TFRC: variants seen among roughly 807,000 people sequenced by gnomAD.
TFRC encodes transferrin receptor protein 1.
A neutral mutation model predicts 85.8 loss-of-function variants in TFRC; 35 were observed. That is an observed-to-expected ratio of 0.41 (90% CI 0.31 to 0.54). The LOEUF (loss-of-function observed/expected upper bound fraction) is 0.54, where lower values mean the gene tolerates loss of function less well. TFRC is among the 20% of genes least tolerant of loss of function. TFRC has a pLI of 0.31. For missense variants in TFRC, 828 were observed against 921.5 expected (o/e 0.90, Z 1.31); for synonymous variants, 362 against 328.6 (o/e 1.10, Z -1.10).
chr3:196,076,594 C>T (rs1354949359), intron 2 of TFRC, among the ~76,000 whole-genome samples: 1 of 152,034 alleles, frequency 6.6e-6, no homozygotes, highest in Non-Finnish European at 1.5e-5. Flanking sequence ...GGACTACAGG[C>T]ATGCGCCATG....
At chr3:196,056,879 T>C (rs557995688) in intron 16 of TFRC, among the ~76,000 whole-genome samples, 2 of 151,534 alleles carry the variant, frequency 1.3e-5, no homozygotes, top group Admixed American at 1.3e-4. Flanking sequence ...TGCAGTGCAG[T>C]GGCTCCATCT....
At chr3:196,081,038 G>A (rs751604817) in intron 1 of TFRC, among the ~76,000 whole-genome samples, 5 of 152,162 alleles carry the variant, frequency 3.3e-5, no homozygotes, top group African/African-American at 4.8e-5. Flanking sequence ...AGTAAGCAGA[G>A]GGAAAGCGTT....
In TFRC at chr3:196,055,178, G is replaced by C. The variant is rs1242438404; in HGVS notation, c.1801C>G (p.Leu601Val). ...AEVAGQFVIK[L>V]THDVELNLDY... ...AGGTTCAATTCAACATCATGGGTTA[G>C]TTTAATCACGAACTGACCAGCGACC... Residue 601 changes from leucine (L) to valine (V), a missense_variant, in exon 17 of 19, where the codon CTA becomes GTA. Leu to Val is a conservative substitution (Grantham distance 32). Transcript: ENST00000360110. 1 of 1,614,228 alleles carries C rather than the reference G, an allele frequency of 6.2e-7. No individual in the cohort carries two copies. Among genetic ancestry groups the C allele is most frequent in the East Asian group, 2.2e-5 (1 of 44,890 alleles).
At chr3:196,079,565 G>A (rs933159675) in intron 1 of TFRC, among the ~76,000 whole-genome samples, 1 of 151,580 alleles carries the variant, frequency 6.6e-6, no homozygotes, top group Admixed American at 6.6e-5. Flanking sequence ...GCAGGGAGCC[G>A]AGATCACACC....
chr3:196,080,184 A>C (rs1274437115), intron 1 of TFRC, among the ~76,000 whole-genome samples: 2 of 151,828 alleles, frequency 1.3e-5, no homozygotes, highest in Non-Finnish European at 2.9e-5. Flanking sequence ...GCTCACTACA[A>C]CCTCTGCCTC....
chr3:196,079,835 T>G (rs1435751300), intron 1 of TFRC, among the ~76,000 whole-genome samples: 1 of 152,190 alleles, frequency 6.6e-6, no homozygotes, highest in Non-Finnish European at 1.5e-5. Flanking sequence ...CCCCTGTTTT[T>G]ACCCACCAAC....
At chr3:196,065,172 G>A (rs1331720939) in intron 10 of TFRC, among the ~76,000 whole-genome samples, 1 of 151,670 alleles carries the variant, frequency 6.6e-6, no homozygotes, top group Non-Finnish European at 1.5e-5. Flanking sequence ...TGAGGCAGGA[G>A]AATGGCTTGA....
chr3:196,074,203 G>A (rs1344161320), intron 3 of TFRC, 78 bp from the exon 4 acceptor site: 41 of 1,378,088 alleles, frequency 3.0e-5, no homozygotes, highest in South Asian at 2.9e-4. Flanking sequence ...ATATTTTCAG[G>A]TAAGCCTTGA....
chr3:196,050,651 A>G lies in TFRC; in HGVS notation c.*1291T>C, dbSNP rs1435789452. 4 of 204,168 alleles carry G rather than the reference A, an allele frequency of 2.0e-5. No individual in the cohort carries two copies. Among genetic ancestry groups the G allele is most frequent in the African/African-American group, 9.1e-5 (4 of 43,808 alleles). 12.6% of individuals were successfully genotyped at this position (204,168 alleles called of 1,614,324 possible). A position where few individuals can be genotyped will look rare whatever the true frequency, so the allele number is the denominator to read the frequency against. ...CTGGAAATTTTGCAAAATGGGAATTAGAGTTACACCTTGGATAAACTGAGC... is the reference window on the plus strand; with the variant it reads ...CTGGAAATTTTGCAAAATGGGAATTGGAGTTACACCTTGGATAAACTGAGC... On this transcript the variant is annotated 3_prime_UTR_variant, in exon 19 of 19. Coordinates refer to ENST00000360110, the MANE Select transcript of TFRC (RefSeq NM_001128148.3).
intron 1 of TFRC, 23 bp from the exon 2 acceptor site, chr3:196,077,145 A>G (rs1227830937): frequency 1.3e-6 from 2 of 1,565,430 alleles, no homozygotes; most frequent in Non-Finnish European, 1.8e-6. Context: ...ATAGAGAATT[A>G]TTGAGAAAGA....
In TFRC at chr3:196,072,075, T is replaced by C. The variant is rs1718259313; in HGVS notation, c.512A>G (p.Asn171Ser). Residue 171 changes from asparagine to serine, a missense_variant, in exon 5 of 19, where the codon AAT becomes AGT. Asn to Ser is a conservative substitution (Grantham distance 46, BLOSUM62 1). Coordinates refer to ENST00000360110, the MANE Select transcript of TFRC (RefSeq NM_001128148.3). ...GCTGAGTTTAAATTCACGAAATTGA[T>C]TTTCAACATACAACGCAAGATTTTC... The part of the protein sequence containing the change: ...KDENLALYVE[N>S]QFREFKLSKV... 6.2e-7 allele frequency: 1 copy of C among 1,614,058 alleles called. No individual in the cohort carries two copies. Among genetic ancestry groups the C allele is most frequent in the Non-Finnish European group, 8.5e-7 (1 of 1,180,046 alleles).
intron 7 of TFRC, among the ~76,000 whole-genome samples, chr3:196,068,510 C>A (rs1412330967): frequency 7.0e-6 from 1 of 143,320 alleles, no homozygotes; most frequent in Non-Finnish European, 1.5e-5. Context: ...ATTTGGGAAG[C>A]TGAGGCAGGA....
In TFRC at chr3:196,060,240, G is replaced by A. The variant is rs1233489109; in HGVS notation, c.1476C>T (p.Ser492=). ...INLDKAVLGT[S]NFKVSASPLL... ...GTGGGCTGGCAGAAACCTTGAAGTT[G>A]CTGGTACCTGAAAATAAATTGTTTT... is the stretch of plus-strand genomic sequence containing the variant. Residue 492 remains serine (S), a synonymous_variant, in exon 14 of 19, where the codon AGC becomes AGT. Coordinates refer to ENST00000360110, the MANE Select transcript of TFRC (RefSeq NM_001128148.3). 1 of 1,613,704 alleles carries A rather than the reference G, an allele frequency of 6.2e-7. No individual in the cohort carries two copies. The highest frequency in any genetic ancestry group is 8.5e-7 in the Non-Finnish European group (1 of 1,179,842).
At chr3:196,065,091 T>G (rs984930248) in intron 10 of TFRC, among the ~76,000 whole-genome samples, 1 of 151,778 alleles carries the variant, frequency 6.6e-6, no homozygotes, top group Admixed American at 6.6e-5. Flanking sequence ...GGAGAAACCC[T>G]GTCTCTACTA....
intron 16 of TFRC, among the ~76,000 whole-genome samples, chr3:196,057,189 C>G (rs186107336): frequency 6.6e-6 from 1 of 152,316 alleles, no homozygotes; most frequent in African/African-American, 2.4e-5. Context: ...GACAGCCCAG[C>G]GCTGCCGCAC....
chr3:196,064,767 C>T lies in TFRC; in HGVS notation c.1199-339G>A, dbSNP rs1380667363. The stretch of plus-strand genomic sequence containing the variant: ...AGCCCGCATGCCCATTCACTACGCA[C>T]AGTCTGTGCCTGTTTTCTTGCTCCC... On this transcript the variant is annotated intron_variant, in intron 10 of 18. Coordinates refer to ENST00000360110, the MANE Select transcript of TFRC (RefSeq NM_001128148.3). Among the ~76,000 whole-genome samples the T allele has an allele frequency of 2.0e-5, 3 of 152,212 alleles. No homozygotes were observed. In the South Asian group the frequency reaches 6.2e-4, roughly 31 times the overall value.
chr3:196,049,567 T>C lies in TFRC; in HGVS notation c.*2375A>G, dbSNP rs780047327. On this transcript the variant is annotated 3_prime_UTR_variant, in exon 19 of 19. Transcript: ENST00000360110. ...TAGTCTGATATTTCATTCAGGAATA[T>C]TGAGCCTGTTAGCACGTACTGGCTT... 2.3e-5 allele frequency: 5 copies of C among 222,000 alleles called. No homozygotes were observed. The highest frequency in any genetic ancestry group is 8.9e-5 in the African/African-American group (4 of 44,714). The allele number at this position is 222,000 out of a possible 1,614,324, so 13.8% of individuals were successfully genotyped here. A position where few individuals can be genotyped will look rare whatever the true frequency, so the allele number is the denominator to read the frequency against.
At chr3:196,078,440 C>T (rs1718890129) in intron 1 of TFRC, among the ~76,000 whole-genome samples, 2 of 152,068 alleles carry the variant, frequency 1.3e-5, no homozygotes, top group South Asian at 2.1e-4. Flanking sequence ...AGGTGGATCA[C>T]GAGGTCAGGA....
At chr3:196,067,314 G>C (rs561944730) in intron 9 of TFRC, among the ~76,000 whole-genome samples, 1 of 152,316 alleles carries the variant, frequency 6.6e-6, no homozygotes, top group South Asian at 2.1e-4. Flanking sequence ...TTATTCTCCT[G>C]TGTTTATAAG....
Sources: allele counts gnomAD v4.1 joint callset (sites outside exome capture counted in the v4.1 genomes callset), GRCh38; gene constraint gnomAD v4.1.1; transcripts MANE v1.5; gene names NCBI Gene and HGNC (gene_info 2026-07-23, HGNC 2026-07-21).